The following KSR2 variants were observed in gnomAD, a reference collection of about 807,000 sequenced individuals.
The protein encoded by KSR2 is kinase suppressor of ras 2.
A neutral mutation model predicts 107.8 loss-of-function variants in KSR2; 25 were observed. The observed-to-expected ratio is 0.23, with a 90% CI of 0.17 to 0.32. The LOEUF (loss-of-function observed/expected upper bound fraction) is 0.32. Ranked by LOEUF, KSR2 falls within the 10% of genes least tolerant of loss-of-function variation. The pLI, the probability that KSR2 is intolerant of heterozygous loss-of-function variation, is 1.00. For synonymous variants in KSR2, 480 were observed against 507.0 expected (o/e 0.95, Z 0.71); for missense variants, 887 against 1,268.9 (o/e 0.70, Z 4.57).
chr12:117,869,896 G>A (rs1893596253), intron 1 of KSR2, among the ~76,000 whole-genome samples: 1 of 152,222 alleles, frequency 6.6e-6, no homozygotes, highest in African/African-American at 2.4e-5. Context: ...TGCCGTGAAT[G>A]TGTTTGTTCC....
chr12:117,819,529 A>G (rs1891490460), intron 3 of KSR2, among the ~76,000 whole-genome samples: 1 of 152,188 alleles, frequency 6.6e-6, no homozygotes, highest in Non-Finnish European at 1.5e-5. Flanking sequence ...GGGTATCTAC[A>G]TATGTCAAAG....
At chr12:117,546,212 A>T in intron 9 of KSR2, among the ~76,000 whole-genome samples, 1 of 152,160 alleles carries the variant, frequency 6.6e-6, no homozygotes, top group South Asian at 2.1e-4. Context: ...TTTCTCTTTC[A>T]GTTTTGAAGA....
intron 4 of KSR2, among the ~76,000 whole-genome samples, chr12:117,728,136 T>C (rs1887513147): frequency 6.6e-6 from 1 of 152,192 alleles, no homozygotes; most frequent in South Asian, 2.1e-4. Flanking sequence ...GCAGTGGGTA[T>C]CTAGGGATAT....
chr12:117,685,642 A>G (rs186802003), intron 4 of KSR2, among the ~76,000 whole-genome samples: 11 of 152,290 alleles, frequency 7.2e-5, no homozygotes, highest in Admixed American at 5.9e-4. Flanking sequence ...ACTCACAAAC[A>G]TTCCCGAAAT....
At chr12:117,574,976 G>T (rs185587864) in intron 7 of KSR2, among the ~76,000 whole-genome samples, 2 of 151,508 alleles carry the variant, frequency 1.3e-5, no homozygotes, top group Non-Finnish European at 2.9e-5. Flanking sequence ...GACAGGAAAT[G>T]ACCCAGATCA....
chr12:117,667,701 A>T (rs374300452), intron 4 of KSR2, 43 bp from the exon 5 acceptor site: 5 of 1,480,006 alleles, frequency 3.4e-6, no homozygotes, highest in Non-Finnish European at 4.5e-6. Context: ...ATATATCCAT[A>T]GGTGCACAAA....
intron 4 of KSR2, among the ~76,000 whole-genome samples, chr12:117,730,655 C>G (rs542095330): frequency 1.3e-5 from 2 of 152,310 alleles, no homozygotes; most frequent in South Asian, 4.2e-4. Context: ...ATTGCAGGCA[C>G]GCGCCGCCAC....
chr12:117,968,305 A>AGGGGGGG lies in KSR2; in HGVS notation c.-51_-50insCCCCCCC. The AGGGGGGG allele has an allele frequency of 9.0e-7, 1 of 1,110,342 alleles. No individual in the cohort carries two copies. Among genetic ancestry groups the AGGGGGGG allele is most frequent in the Non-Finnish European group, 1.2e-6 (1 of 858,906 alleles). The allele number at this position is 1,110,342 out of a possible 1,614,324, so 68.8% of individuals were successfully genotyped here. A position where few individuals can be genotyped will look rare whatever the true frequency, so the allele number is the denominator to read the frequency against. ...CTCCTCCTCCTCCCAGAGAGAAAAAAGAGGGGGGGGAGTAGAGGTAGTCTA... is the reference window on the plus strand; with the variant it reads ...CTCCTCCTCCTCCCAGAGAGAAAAAAGGGGGGGGAGGGGGGGGAGTAGAGGTAGTCTA... On this transcript the variant is annotated 5_prime_UTR_variant, in exon 1 of 20. Transcript: ENST00000339824.
At chr12:117,539,924 C>T in intron 9 of KSR2, 37 bp from the exon 10 acceptor site, 1 of 1,555,264 alleles carries the variant, frequency 6.4e-7, no homozygotes, top group Non-Finnish European at 8.7e-7. Context: ...CAGGGACAGG[C>T]AGGGAAGCAG....
intron 3 of KSR2, among the ~76,000 whole-genome samples, chr12:117,839,998 G>GA (rs1245830087): frequency 1.3e-5 from 2 of 151,950 alleles, no homozygotes; most frequent in African/African-American, 4.8e-5. Context: ...AAGGGCAAAA[G>GA]AAAGAAAATC....
At chr12:117,807,084 G>A (rs931556987) in intron 3 of KSR2, among the ~76,000 whole-genome samples, 1 of 152,152 alleles carries the variant, frequency 6.6e-6, no homozygotes, top group Admixed American at 6.5e-5. Context: ...TCATGGTGGG[G>A]AATCTGCAGT....
At chr12:117,948,582 G>C (rs547667956) in intron 1 of KSR2, among the ~76,000 whole-genome samples, 2 of 152,106 alleles carry the variant, frequency 1.3e-5, no homozygotes, top group East Asian at 1.9e-4. Context: ...GGACAGGATA[G>C]AGTCCAGAAG....
chr12:117,848,389 T>A (rs1480321901), intron 3 of KSR2, among the ~76,000 whole-genome samples: 1 of 152,220 alleles, frequency 6.6e-6, no homozygotes, highest in Non-Finnish European at 1.5e-5. Flanking sequence ...GGTGAGAACG[T>A]GCTCTTCCTG....
At position 117,579,177 on chromosome 12, in the gene KSR2, G is replaced by A; in HGVS notation, c.1267C>T (p.Gln423Ter). Residue 423 changes from glutamine to a stop codon, truncating the protein, a stop_gained, in exon 7 of 20, where the codon CAG becomes TAG. Coordinates refer to ENST00000339824, the MANE Select transcript of KSR2 (RefSeq NM_173598.6). LOFTEE classifies it high-confidence loss of function. ...CCTTTCCCACAGACTGTGCACGTCT[G>A]AGACATCCAGTACTTGGTGGAAAAC... ...HRFSTKYWMS[Q>*]TCTVCGKGML... 6.2e-7 allele frequency: 1 copy of A among 1,613,672 alleles called. No homozygotes were observed. The highest frequency in any genetic ancestry group is 8.5e-7 in the Non-Finnish European group (1 of 1,179,740).
intron 14 of KSR2, among the ~76,000 whole-genome samples, chr12:117,511,425 AC>A (rs1450604553): frequency 7.9e-6 from 1 of 126,926 alleles, no homozygotes; most frequent in East Asian, 3.1e-4. Context: ...GAATAACCAA[AC>A]AAAGATTTTA....
chr12:117,501,514 G>A (rs572569420), intron 14 of KSR2, among the ~76,000 whole-genome samples: 1 of 152,290 alleles, frequency 6.6e-6, no homozygotes, highest in Admixed American at 6.5e-5. Context: ...CTATGCATGT[G>A]CTGAGCTAAC....
chr12:117,571,864 C>T (rs564652376), intron 7 of KSR2, among the ~76,000 whole-genome samples: 1 of 152,256 alleles, frequency 6.6e-6, no homozygotes, highest in African/African-American at 2.4e-5. Flanking sequence ...CAGCATGCTC[C>T]TCCCCATGGT....
chr12:117,587,506 C>A (rs1880075761), intron 5 of KSR2, among the ~76,000 whole-genome samples: 1 of 152,164 alleles, frequency 6.6e-6, no homozygotes, highest in Non-Finnish European at 1.5e-5. Flanking sequence ...ACACCCTGAT[C>A]TTAATCCCAT....
chr12:117,604,313 C>G (rs78331056), intron 5 of KSR2, among the ~76,000 whole-genome samples: 1,982 of 152,200 alleles, frequency 0.013, 43 homozygotes, highest in African/African-American at 0.046. Flanking sequence ...TCAGAATGGC[C>G]ACCCTGCCGG....
Sources: gnomAD v4.1 joint callset for allele counts (sites outside exome capture counted in the v4.1 genomes callset) on GRCh38, gnomAD v4.1.1 for gene constraint, MANE v1.5 for transcripts, NCBI Gene and HGNC (gene_info 2026-07-23, HGNC 2026-07-21) for gene names.